The following MACROD2 variants were observed in gnomAD, a reference collection of about 807,000 sequenced individuals.
MACROD2 encodes the protein ADP-ribose glycohydrolase MACROD2.
A neutral mutation model predicts 70.4 loss-of-function variants in MACROD2; 36 were observed. That is an observed-to-expected ratio of 0.51 (90% CI 0.39 to 0.68). The LOEUF (loss-of-function observed/expected upper bound fraction) is 0.68. MACROD2 is among the 30% of genes least tolerant of loss of function. The pLI, the probability that MACROD2 is intolerant of heterozygous loss-of-function variation, is 0.00. For synonymous variants in MACROD2, 172 were observed against 178.8 expected (o/e 0.96, Z 0.30); for missense variants, 496 against 538.4 (o/e 0.92, Z 0.78).
chr20:14,370,110 T>C (rs1262296643), intron 3 of MACROD2, among the ~76,000 whole-genome samples: 1 of 152,188 alleles, frequency 6.6e-6, no homozygotes, highest in East Asian at 1.9e-4. Context: ...ATCTCAGCTA[T>C]TATGAAAATG....
At chr20:14,288,653 T>C (rs79812651) in intron 3 of MACROD2, among the ~76,000 whole-genome samples, 2,292 of 152,274 alleles carry the variant, frequency 0.015, 24 homozygotes, top group African/African-American at 0.027. Context: ...TTTTCTGTCA[T>C]CTCTTCTCCC....
chr20:15,403,522 C>A (rs1363785294), intron 6 of MACROD2, among the ~76,000 whole-genome samples: 1 of 151,802 alleles, frequency 6.6e-6, no homozygotes, highest in African/African-American at 2.4e-5. Context: ...ACTTTTACTT[C>A]TTTGTTAACA....
At chr20:15,988,352 G>T (rs1601282487) in intron 15 of MACROD2, among the ~76,000 whole-genome samples, 1 of 152,060 alleles carries the variant, frequency 6.6e-6, no homozygotes. Context: ...CTCCTCAATT[G>T]TAGTTTAAAA....
intron 12 of MACROD2, among the ~76,000 whole-genome samples, chr20:15,954,957 G>A (rs561875097): frequency 2.6e-5 from 4 of 152,162 alleles, no homozygotes; most frequent in African/African-American, 7.2e-5. Flanking sequence ...CTGGCCTGAG[G>A]CCACATAACT....
At chr20:14,762,355 G>C (rs2072027011) in intron 5 of MACROD2, among the ~76,000 whole-genome samples, 1 of 152,132 alleles carries the variant, frequency 6.6e-6, no homozygotes, top group African/African-American at 2.4e-5. Context: ...CTGAGTGACA[G>C]ATTCTTCTTT....
intron 13 of MACROD2, among the ~76,000 whole-genome samples, chr20:15,979,069 A>G (rs2066355406): frequency 6.6e-6 from 1 of 152,232 alleles, no homozygotes; most frequent in Non-Finnish European, 1.5e-5. Context: ...GCTAGCAGAG[A>G]ATGAATCAAG....
intron 15 of MACROD2, among the ~76,000 whole-genome samples, chr20:16,026,233 A>G (rs934712901): frequency 6.6e-6 from 1 of 152,148 alleles, no homozygotes; most frequent in African/African-American, 2.4e-5. Context: ...ATCCTGAAAC[A>G]TCTGAAGGGG....
chr20:15,268,364 G>C (rs773209969), intron 6 of MACROD2, among the ~76,000 whole-genome samples: 3 of 152,170 alleles, frequency 2.0e-5, no homozygotes, highest in Admixed American at 6.5e-5. Context: ...TTTAAAAATA[G>C]ATTGAGGGCC....
At chr20:15,556,400 A>C (rs1308626405) in intron 8 of MACROD2, among the ~76,000 whole-genome samples, 2 of 152,052 alleles carry the variant, frequency 1.3e-5, no homozygotes, top group Admixed American at 1.3e-4. Context: ...TTTTTCCCAA[A>C]ATCTTTGCTT....
At chr20:14,251,268 C>T (rs76804159) in intron 3 of MACROD2, among the ~76,000 whole-genome samples, 2,337 of 152,152 alleles carry the variant, frequency 0.015, 24 homozygotes, top group African/African-American at 0.027. Context: ...TCTTGGAAAA[C>T]GTTCGATAAA....
At chr20:14,450,749 C>T (rs1047435088) in intron 3 of MACROD2, among the ~76,000 whole-genome samples, 1 of 152,044 alleles carries the variant, frequency 6.6e-6, no homozygotes, top group South Asian at 2.1e-4. Context: ...TTGAAAAATA[C>T]TTCATGAACA....
At chr20:14,141,002 A>T (rs962531583) in intron 3 of MACROD2, among the ~76,000 whole-genome samples, 3 of 152,172 alleles carry the variant, frequency 2.0e-5, no homozygotes, top group African/African-American at 7.2e-5. Context: ...GCCTTCCGCT[A>T]CCTTAAGTGA....
chr20:16,028,274 G>A (rs969905092), intron 15 of MACROD2, among the ~76,000 whole-genome samples: 1 of 152,152 alleles, frequency 6.6e-6, no homozygotes, highest in Admixed American at 6.5e-5. Context: ...CTCGTGGGTG[G>A]GGGATGACTT....
At chr20:15,318,958 G>A (rs537768570) in intron 6 of MACROD2, among the ~76,000 whole-genome samples, 82 of 152,236 alleles carry the variant, frequency 5.4e-4, no homozygotes, top group African/African-American at 1.9e-3. Context: ...AAAAGTTCCA[G>A]ACAGAGGATG....
chr20:15,817,504 A>G (rs1263799201), intron 8 of MACROD2, among the ~76,000 whole-genome samples: 1 of 152,216 alleles, frequency 6.6e-6, no homozygotes, highest in African/African-American at 2.4e-5. Context: ...CTTGAATGGT[A>G]TCTAATGAGT....
intron 8 of MACROD2, among the ~76,000 whole-genome samples, chr20:15,666,146 G>T (rs1442247791): frequency 6.6e-6 from 1 of 152,152 alleles, no homozygotes; most frequent in Admixed American, 6.5e-5. Context: ...TTGGTCCATA[G>T]CAATAACATT....
intron 8 of MACROD2, among the ~76,000 whole-genome samples, chr20:15,832,767 T>C (rs1317624207): frequency 1.3e-5 from 2 of 152,200 alleles, no homozygotes; most frequent in Non-Finnish European, 2.9e-5. Context: ...GTCAAATCTC[T>C]GAGAGTGCAG....
intron 6 of MACROD2, among the ~76,000 whole-genome samples, chr20:15,420,236 G>A (rs562805143): frequency 6.6e-6 from 1 of 152,166 alleles, no homozygotes; most frequent in African/African-American, 2.4e-5. Context: ...GTTTGAAAGA[G>A]GGCTGCTACT....
At chr20:14,752,583 C>T (rs574632654) in intron 5 of MACROD2, among the ~76,000 whole-genome samples, 1 of 152,250 alleles carries the variant, frequency 6.6e-6, no homozygotes, top group South Asian at 2.1e-4. Context: ...CTGTTCTCTG[C>T]ATTGGAGCCA....
Sources: gnomAD v4.1 joint callset for allele counts (sites outside exome capture counted in the v4.1 genomes callset) on GRCh38, gnomAD v4.1.1 for gene constraint, MANE v1.5 for transcripts, NCBI Gene and HGNC (gene_info 2026-07-23, HGNC 2026-07-21) for gene names.